TRDN: variants seen among roughly 807,000 people sequenced by gnomAD.
TRDN encodes the protein triadin in skeletal muscle.
TRDN carries 161 observed loss-of-function variants against 149.7 expected under a neutral mutation model. That is an observed-to-expected ratio of 1.08 (90% CI 0.95 to 1.23). TRDN has a LOEUF of 1.23. Ranked by LOEUF, TRDN falls within the 50% of genes most tolerant of loss-of-function variation. TRDN has a pLI of 0.00. For synonymous variants in TRDN, 294 were observed against 250.5 expected, an observed-to-expected ratio of 1.17 and a Z score of -1.64; for missense variants, 896 against 823.5, an observed-to-expected ratio of 1.09 and a Z score of -1.08.
chr6:123,258,308 C>T (rs1388136625), intron 35 of TRDN, among the ~76,000 whole-genome samples: 1 of 152,112 alleles, frequency 6.6e-6, no homozygotes, highest in African/African-American at 2.4e-5. Flanking sequence ...AGAAAATTTC[C>T]ATCAATACCT....
intron 2 of TRDN, among the ~76,000 whole-genome samples, chr6:123,560,939 ACTC>A (rs1781958599): frequency 6.6e-6 from 1 of 151,554 alleles, no homozygotes; most frequent in Non-Finnish European, 1.5e-5. Flanking sequence ...CTATTCTACT[ACTC>A]CTCAGGGATT....
intron 1 of TRDN, among the ~76,000 whole-genome samples, chr6:123,603,616 A>G (rs1217225783): frequency 1.3e-5 from 2 of 152,006 alleles, no homozygotes; most frequent in African/African-American, 4.8e-5. Flanking sequence ...ACATTGTTTC[A>G]TGTTATGATA....
intron 28 of TRDN, 22 bp from the exon 29 acceptor site, chr6:123,273,033 T>A: frequency 1.4e-6 from 2 of 1,460,268 alleles, no homozygotes; most frequent in Admixed American, 2.8e-5. Flanking sequence ...AAAAAGAAAA[T>A]CTTTTTTAGG....
intron 38 of TRDN, among the ~76,000 whole-genome samples, chr6:123,242,398 C>A (rs938060022): frequency 6.6e-6 from 1 of 152,002 alleles, no homozygotes; most frequent in Non-Finnish European, 1.5e-5. Flanking sequence ...CTCACACATC[C>A]TCCTCCCAAT....
chr6:123,561,013 G>A (rs1173576614), intron 2 of TRDN, among the ~76,000 whole-genome samples: 1 of 152,132 alleles, frequency 6.6e-6, no homozygotes. Flanking sequence ...CCCAGGACTG[G>A]CAAATTGACT....
At chr6:123,396,724 C>A (rs1410039434) in intron 12 of TRDN, among the ~76,000 whole-genome samples, 1 of 152,096 alleles carries the variant, frequency 6.6e-6, no homozygotes, top group East Asian at 1.9e-4. Flanking sequence ...TATGGAACAA[C>A]CTGATTTACA....
intron 20 of TRDN, among the ~76,000 whole-genome samples, chr6:123,356,312 A>C (rs1395951560): frequency 2.0e-5 from 3 of 151,302 alleles, no homozygotes; most frequent in African/African-American, 7.3e-5. Context: ...AATTATATCA[A>C]ATGTATCTAC....
intron 23 of TRDN, 71 bp from the exon 24 acceptor site, chr6:123,316,566 A>G: frequency 7.2e-7 from 1 of 1,388,082 alleles, no homozygotes; most frequent in Non-Finnish European, 1.0e-6. Flanking sequence ...AATAGTCAGT[A>G]CAAAGTGGAT....
intron 1 of TRDN, among the ~76,000 whole-genome samples, chr6:123,605,949 C>G (rs1784511306): frequency 6.6e-6 from 1 of 152,002 alleles, no homozygotes; most frequent in Non-Finnish European, 1.5e-5. Context: ...AGAGACTGGC[C>G]TCATTATCTC....
At chr6:123,281,658 T>A (rs1328258230) in intron 24 of TRDN, among the ~76,000 whole-genome samples, 1 of 152,084 alleles carries the variant, frequency 6.6e-6, no homozygotes, top group Non-Finnish European at 1.5e-5. Context: ...TGTGTTCAGT[T>A]GTGCTCTTAA....
intron 27 of TRDN, 23 bp from the exon 28 acceptor site, chr6:123,273,386 T>C: frequency 2.2e-6 from 2 of 928,564 alleles, no homozygotes; most frequent in Non-Finnish European, 2.9e-6. Flanking sequence ...AATAACATAT[T>C]AGATTAAATT....
intron 13 of TRDN, among the ~76,000 whole-genome samples, chr6:123,388,910 A>G (rs1782007375): frequency 1.3e-5 from 2 of 152,108 alleles, no homozygotes. Context: ...TGGATTAATC[A>G]AAAAAAGTGG....
At chr6:123,261,426 G>T (rs985201087) in intron 33 of TRDN, among the ~76,000 whole-genome samples, 2 of 151,722 alleles carry the variant, frequency 1.3e-5, no homozygotes, top group African/African-American at 4.8e-5. Context: ...TTTTGCCTAT[G>T]CTCATACAGA....
At chr6:123,309,800 T>C (rs964762066) in intron 24 of TRDN, among the ~76,000 whole-genome samples, 7 of 152,014 alleles carry the variant, frequency 4.6e-5, no homozygotes, top group African/African-American at 1.2e-4. Flanking sequence ...ATAAAATATA[T>C]GTAGGTACTA....
intron 32 of TRDN, among the ~76,000 whole-genome samples, chr6:123,266,244 A>G (rs1229452172): frequency 0.17 from 7,125 of 40,916 alleles, 2,186 homozygotes; most frequent in South Asian, 0.26. Context: ...TATATATATT[A>G]TAATATATAT....
intron 12 of TRDN, among the ~76,000 whole-genome samples, chr6:123,426,204 AG>A (rs1423376498): frequency 6.6e-6 from 1 of 152,136 alleles, no homozygotes; most frequent in Non-Finnish European, 1.5e-5. Flanking sequence ...AGCTTGTGAG[AG>A]ATCTCTTCTA....
At chr6:123,499,719 A>AAAAAAATATATATATATATAT in intron 8 of TRDN, among the ~76,000 whole-genome samples, 2 of 47,644 alleles carry the variant, frequency 4.2e-5, no homozygotes, top group Non-Finnish European at 9.0e-5. Flanking sequence ...AAAAAAAAAA[A>AAAAAAATATATATATATATAT]ATATATATAT....
rs183098324 is a variant in TRDN at position 123,272,286 on chromosome 6, G to T, written c.1672+678C>A. Among the ~76,000 whole-genome samples the T allele has an allele frequency of 8.9e-4, 135 of 152,012 alleles. 2 individuals carry two copies. Among genetic ancestry groups the T allele is most frequent in the Admixed American group, 2.1e-3 (32 of 15,204 alleles). Reference sequence around the variant, plus strand: ...ATTCACAAATTGGGTACATATTTCAGCCTGGAATGAAAAATAATATTCTAC... The same window carrying T: ...ATTCACAAATTGGGTACATATTTCATCCTGGAATGAAAAATAATATTCTAC... On this transcript the variant is annotated intron_variant, in intron 29 of 40. Coordinates refer to ENST00000334268, the MANE Select transcript of TRDN (RefSeq NM_006073.4).
chr6:123,609,459 A>G (rs1784685184), intron 1 of TRDN, among the ~76,000 whole-genome samples: 1 of 152,142 alleles, frequency 6.6e-6, no homozygotes, highest in Non-Finnish European at 1.5e-5. Flanking sequence ...TATTTTCTGT[A>G]CTTTCTTACT....
Sources: allele counts gnomAD v4.1 joint callset (sites outside exome capture counted in the v4.1 genomes callset), GRCh38; gene constraint gnomAD v4.1.1; transcripts MANE v1.5; gene names NCBI Gene and HGNC (gene_info 2026-07-23, HGNC 2026-07-21).